The following PCDHGA2 variants were observed in gnomAD, a reference collection of about 807,000 sequenced individuals.
PCDHGA2 encodes protocadherin gamma subfamily A, 2, also known as protocadherin gamma-A2.
A neutral mutation model predicts 59.2 loss-of-function variants in PCDHGA2; 40 were observed. That is an observed-to-expected ratio of 0.68 (90% confidence interval 0.52 to 0.88). The LOEUF (loss-of-function observed/expected upper bound fraction) is 0.88. Ranked by LOEUF, PCDHGA2 falls within the 40% of genes least tolerant of loss-of-function variation. The pLI is 0.00. For missense variants in PCDHGA2, 1,226 were observed against 1,204.0 expected (o/e 1.02, Z -0.27); for synonymous variants, 560 against 526.0 (o/e 1.06, Z -0.89).
intron 1 of PCDHGA2, chr5:141,366,529 G>A (rs748780311): frequency 6.2e-6 from 10 of 1,614,120 alleles, no homozygotes; most frequent in Non-Finnish European, 4.2e-6. Flanking sequence ...GCAGGTTGGC[G>A]GGTGTGCCCG....
Position 141,422,774 on chromosome 5 carries a change from A to G in PCDHGA2, c.2425-72033A>G, listed in dbSNP as rs372343628. On this transcript the variant is annotated intron_variant, in intron 1 of 3. Coordinates refer to ENST00000394576, the MANE Select transcript of PCDHGA2 (RefSeq NM_018915.4). ...ATTAACTCCAACACTGGTGTTCTCT[A>G]TGCCCTACAATCCTTCGACTATGAG... 100 of 1,613,880 alleles carry G rather than the reference A, an allele frequency of 6.2e-5. 1 individual carries two copies. In the Middle Eastern group the frequency reaches 1.3e-3, roughly 21 times the overall value.
At position 141,511,146 on chromosome 5, in the gene PCDHGA2, G is replaced by T; in HGVS notation, c.2772G>T (p.Lys924Asn). 1 of 1,614,208 alleles carries T rather than the reference G, an allele frequency of 6.2e-7. No individual in the cohort carries two copies. Among genetic ancestry groups the T allele is most frequent in the Non-Finnish European group, 8.5e-7 (1 of 1,180,018 alleles). The change falls in exon 4 of 4, where the codon AAG becomes AAT. Residue 924 changes from lysine to asparagine, a missense_variant. Lys to Asn is a moderately conservative substitution (Grantham distance 94). Coordinates refer to ENST00000394576, the MANE Select transcript of PCDHGA2 (RefSeq NM_018915.4). Reference protein sequence around the residue: ...KAPAGGNGNKKKSGKKEKK With the variant: ...KAPAGGNGNKNKSGKKEKK The stretch of plus-strand genomic sequence containing the variant: ...CAGCAGGTGGCAATGGCAACAAGAA[G>T]AAGTCGGGCAAGAAGGAGAAGAAGT...
chr5:141,355,095 G>C lies in PCDHGA2; in HGVS notation c.2424+13700G>C. On this transcript the variant is annotated intron_variant, in intron 1 of 3. Coordinates refer to ENST00000394576, the MANE Select transcript of PCDHGA2 (RefSeq NM_018915.4). ...AAAGCTTCAAGCGGAAGCCCTGAGA[G>C]CTCTGGCTGTGAATGCACTTTATTT... 2.0e-6 allele frequency: 3 copies of C among 1,488,958 alleles called. No homozygotes were observed. In the South Asian group the frequency reaches 4.2e-5, roughly 21 times the overall value. The allele number at this position is 1,488,958 out of a possible 1,614,324, so 92.2% of individuals were successfully genotyped here. A position where few individuals can be genotyped will look rare whatever the true frequency, so the allele number is the denominator to read the frequency against.
intron 1 of PCDHGA2, among the ~76,000 whole-genome samples, chr5:141,452,267 G>C (rs995249228): frequency 1.3e-5 from 2 of 151,882 alleles, no homozygotes; most frequent in Non-Finnish European, 2.9e-5. Context: ...TCATTTTCTT[G>C]AACCCTTTCT....
At chr5:141,418,718 A>G (rs1334115906) in intron 1 of PCDHGA2, 4 of 1,613,912 alleles carry the variant, frequency 2.5e-6, no homozygotes, top group Non-Finnish European at 3.4e-6. Flanking sequence ...TGTGGCTGAC[A>G]AAGCTCAGCA....
chr5:141,361,556 T>C, intron 1 of PCDHGA2: 1 of 1,614,058 alleles, frequency 6.2e-7, no homozygotes, highest in Non-Finnish European at 8.5e-7. Context: ...ATCGCTCAAA[T>C]CAGTGCCTCT....
chr5:141,437,651 CAT>C (rs1255783396), intron 1 of PCDHGA2, among the ~76,000 whole-genome samples: 2 of 151,990 alleles, frequency 1.3e-5, no homozygotes, highest in Non-Finnish European at 2.9e-5. Context: ...AAAGCAAACA[CAT>C]AGTTTCGAAG....
In PCDHGA2 at chr5:141,486,042, G is replaced by A; in HGVS notation, c.2425-8765G>A. The A allele has an allele frequency of 6.2e-7, 1 of 1,614,180 alleles. No individual in the cohort carries two copies. The highest frequency in any genetic ancestry group is 8.5e-7 in the Non-Finnish European group (1 of 1,180,030). On this transcript the variant is annotated intron_variant, in intron 1 of 3. Coordinates refer to ENST00000394576, the MANE Select transcript of PCDHGA2 (RefSeq NM_018915.4). This position sits in a 1 kb window ranked among gnomAD's most constrained non-coding sequence, Gnocchi z 5.0. The stretch of plus-strand genomic sequence containing the variant: ...AGTGGTCATACCCCTGATCGTGTAA[G>A]AAACCTCTTTAGCCTGCACCCCACT...
At chr5:141,403,416 C>T in intron 1 of PCDHGA2, 1 of 1,614,034 alleles carries the variant, frequency 6.2e-7, no homozygotes, top group Non-Finnish European at 8.5e-7. Context: ...TATCCACTTC[C>T]AGAAGCTATT....
At chr5:141,389,600 C>T (rs748837518) in intron 1 of PCDHGA2, 28 of 1,613,080 alleles carry the variant, frequency 1.7e-5, no homozygotes, top group Non-Finnish European at 2.3e-5. Flanking sequence ...GCTCTGCGCT[C>T]TTCGATATGG....
At chr5:141,382,749 G>T in intron 1 of PCDHGA2, 1 of 612,210 alleles carries the variant, frequency 1.6e-6, no homozygotes, top group Non-Finnish European at 2.8e-6. Context: ...GACAGATTGC[G>T]ATAAGCCCTC....
chr5:141,435,807 T>A (rs2097781241), intron 1 of PCDHGA2, among the ~76,000 whole-genome samples: 1 of 152,040 alleles, frequency 6.6e-6, no homozygotes, highest in South Asian at 2.1e-4. Context: ...CCCAATTATT[T>A]TTTCTTTCTT....
At chr5:141,481,722 G>A (rs546676646) in intron 1 of PCDHGA2, among the ~76,000 whole-genome samples, 1 of 152,214 alleles carries the variant, frequency 6.6e-6, no homozygotes, top group African/African-American at 2.4e-5. Flanking sequence ...GGGAGGCGGA[G>A]GCGGGCGGAT....
intron 1 of PCDHGA2, chr5:141,374,920 T>A: frequency 1.1e-5 from 17 of 1,613,964 alleles, no homozygotes; most frequent in Non-Finnish European, 1.4e-5. Context: ...AAGTAACTTA[T>A]TCCTTTGTGA....
chr5:141,351,482 C>T lies in PCDHGA2; in HGVS notation c.2424+10087C>T, dbSNP rs148748054. 5.0e-6 allele frequency: 8 copies of T among 1,613,870 alleles called. No individual in the cohort carries two copies. In the Admixed American group the frequency reaches 1.2e-4, roughly 24 times the overall value. On this transcript the variant is annotated intron_variant, in intron 1 of 3. Coordinates refer to ENST00000394576, the MANE Select transcript of PCDHGA2 (RefSeq NM_018915.4). ...GCTGGTGATTGCTGGAGCCCTAAACCGGGAGCAGACAGCAGACTACAACGT... is the reference window on the plus strand; with the variant it reads ...GCTGGTGATTGCTGGAGCCCTAAACTGGGAGCAGACAGCAGACTACAACGT...
At chr5:141,366,280 C>T (rs1764463733) in intron 1 of PCDHGA2, 1 of 1,613,692 alleles carries the variant, frequency 6.2e-7, no homozygotes, top group African/African-American at 1.3e-5. Context: ...AAGACCATGG[C>T]CAGCCCCCTC....
At chr5:141,351,460 G>C in intron 1 of PCDHGA2, 1 of 1,613,528 alleles carries the variant, frequency 6.2e-7, no homozygotes, top group South Asian at 1.1e-5. Context: ...ATTACAAGCT[G>C]GTGATTGCTG....
Position 141,477,918 on chromosome 5 carries a change from G to A in PCDHGA2, c.2425-16889G>A. 1 of 1,614,154 alleles carries A rather than the reference G, an allele frequency of 6.2e-7. No individual in the cohort carries two copies. Among genetic ancestry groups the A allele is most frequent in the Admixed American group, 1.7e-5 (1 of 60,026 alleles). ...GTGGTAGGCTGGGACGCGGATGCAG[G>A]GCACAATGCCTGGCTCTCCTACAGT... is the stretch of plus-strand genomic sequence containing the variant. On this transcript the variant is annotated intron_variant, in intron 1 of 3. Coordinates refer to ENST00000394576, the MANE Select transcript of PCDHGA2 (RefSeq NM_018915.4). The surrounding 1 kb of genome is among the most constrained non-coding windows in gnomAD (Gnocchi z 4.9).
At position 141,489,632 on chromosome 5, in the gene PCDHGA2, C is replaced by T; in HGVS notation, c.2425-5175C>T. 6.2e-7 allele frequency: 1 copy of T among 1,614,138 alleles called. No homozygotes were observed. Among genetic ancestry groups the T allele is most frequent in the Non-Finnish European group, 8.5e-7 (1 of 1,180,010 alleles). Reference sequence around the variant, plus strand: ...ATCCTGGATCTCAATGACAACTCTCCTAGCTTTGCCACCCCTGAGCGAGAG... The same window carrying T: ...ATCCTGGATCTCAATGACAACTCTCTTAGCTTTGCCACCCCTGAGCGAGAG... On this transcript the variant is annotated intron_variant, in intron 1 of 3. Transcript: ENST00000394576. The surrounding 1 kb of genome is among the most constrained non-coding windows in gnomAD (Gnocchi z 4.5).
Sources: allele counts gnomAD v4.1 joint callset (sites outside exome capture counted in the v4.1 genomes callset), GRCh38; gene constraint gnomAD v4.1.1; non-coding constraint Gnocchi (gnomAD v3.1); transcripts MANE v1.5; gene names NCBI Gene and HGNC (gene_info 2026-07-23, HGNC 2026-07-21).